The following TMCO1 variants were observed in gnomAD, a reference collection of about 807,000 sequenced individuals.
TMCO1 encodes transmembrane and coiled-coil domains 1.
A neutral mutation model predicts 29.3 loss-of-function variants in TMCO1; 29 were observed. That is an observed-to-expected ratio of 0.99 (90% confidence interval 0.74 to 1.35). TMCO1 has a LOEUF of 1.35. Among genes scored for constraint, TMCO1 ranks in the 40% most tolerant of loss-of-function variants. The pLI is 0.00. For missense variants in TMCO1, 173 were observed against 225.5 expected, an observed-to-expected ratio of 0.77 and a Z score of 1.49; for synonymous variants, 80 against 77.1, an observed-to-expected ratio of 1.04 and a Z score of -0.20.
chr1:165,726,192 G>A (rs1460349160), downstream of TMCO1: 4 of 698,424 alleles, frequency 5.7e-6, no homozygotes, highest in African/African-American at 7.0e-5. Flanking sequence ...TTTGCTTAGA[G>A]TGGTCAATGA....
intron 5 of TMCO1, among the ~76,000 whole-genome samples, chr1:165,747,216 G>A (rs768719193): frequency 5.8e-5 from 8 of 138,962 alleles, no homozygotes; most frequent in African/African-American, 8.2e-5. Context: ...AGCCAAGATC[G>A]TGCCACTGCA....
chr1:165,724,375 A>G (rs545615339), downstream of TMCO1: 2 of 454,098 alleles, frequency 4.4e-6, no homozygotes, highest in Admixed American at 4.7e-5. Flanking sequence ...GTATGAAAAA[A>G]CCAGCATGCT....
rs570642050 is a variant in TMCO1 at position 165,743,506 on chromosome 1, A to G, written c.324-195T>C. On this transcript the variant is annotated intron_variant, in intron 5 of 6. Coordinates refer to ENST00000367881, the MANE Select transcript of TMCO1 (RefSeq NM_019026.6). The stretch of plus-strand genomic sequence containing the variant: ...AGAAGAGCCTAGATTATTCTCATCA[A>G]TCTTTTCCTAAATTAGTCATTCTCA... 1.1e-4 allele frequency among the ~76,000 whole-genome samples: 17 copies of G among 152,278 alleles called. No individual in the cohort carries two copies. In the East Asian group the frequency reaches 3.1e-3, roughly 28 times the overall value.
At chr1:165,740,487 G>A (rs1307253165) in intron 6 of TMCO1, among the ~76,000 whole-genome samples, 1 of 152,084 alleles carries the variant, frequency 6.6e-6, no homozygotes, top group African/African-American at 2.4e-5. Context: ...TTACAGGCGT[G>A]AGCCACCGCG....
intron 6 of TMCO1, among the ~76,000 whole-genome samples, chr1:165,731,719 G>A (rs1651166359): frequency 6.6e-6 from 1 of 152,164 alleles, no homozygotes; most frequent in Non-Finnish European, 1.5e-5. Context: ...CTCTAGACGG[G>A]AATATCTCAA....
chr1:165,745,142 T>C (rs1651745715), intron 5 of TMCO1, among the ~76,000 whole-genome samples: 1 of 150,454 alleles, frequency 6.6e-6, no homozygotes, highest in Non-Finnish European at 1.5e-5. Context: ...TGCCTCAGCC[T>C]CCCAGGAAGG....
At chr1:165,763,852 C>T (rs1378840259) in intron 2 of TMCO1, among the ~76,000 whole-genome samples, 1 of 152,196 alleles carries the variant, frequency 6.6e-6, no homozygotes, top group Admixed American at 6.5e-5. Context: ...GTCTTGAACT[C>T]CTGAGCTCAA....
In TMCO1 at chr1:165,726,970, T is replaced by C. The variant is rs1225313643; in HGVS notation, c.*1053A>G. 7 of 453,984 alleles carry C rather than the reference T, an allele frequency of 1.5e-5. No individual in the cohort carries two copies. The highest frequency in any genetic ancestry group is 8.0e-5 in the African/African-American group (4 of 50,018). The allele number at this position is 453,984 out of a possible 1,614,324, so 28.1% of individuals were successfully genotyped here. A position where few individuals can be genotyped will look rare whatever the true frequency, so the allele number is the denominator to read the frequency against. ...AACAATGATTACCTTGAAAATTATG[T>C]GTTTTTTCTCACTGGTAGAATACTC... On this transcript the variant is annotated 3_prime_UTR_variant, in exon 7 of 7. Coordinates refer to ENST00000367881, the MANE Select transcript of TMCO1 (RefSeq NM_019026.6).
intron 4 of TMCO1, among the ~76,000 whole-genome samples, chr1:165,753,422 G>A (rs1031779109): frequency 2.1e-5 from 3 of 140,346 alleles, no homozygotes; most frequent in African/African-American, 7.9e-5. Context: ...GCAGTCAGTC[G>A]AGGTAGAGCC....
chr1:165,732,499 C>A (rs1442673609), intron 6 of TMCO1, among the ~76,000 whole-genome samples: 153 of 141,246 alleles, frequency 1.1e-3, no homozygotes, highest in Middle Eastern at 7.3e-3. Context: ...CTCTCTCTCT[C>A]TCTCTCTATA....
rs1040164964 is a variant in TMCO1, at chr1:165,729,807, G to T, written c.469-1686C>A. Among the ~76,000 whole-genome samples the T allele has an allele frequency of 2.0e-5, 3 of 152,216 alleles. No individual in the cohort carries two copies. In the South Asian group the frequency reaches 6.2e-4, roughly 32 times the overall value. ...TTGTGTTTCGACCCTTAATCTAATGGATTCTCTTACACAGTAGTTTCTGTG... is the reference window on the plus strand; with the variant it reads ...TTGTGTTTCGACCCTTAATCTAATGTATTCTCTTACACAGTAGTTTCTGTG... On this transcript the variant is annotated intron_variant, in intron 6 of 6. Transcript: ENST00000367881.
At chr1:165,732,157 T>G (rs1571209812) in intron 6 of TMCO1, among the ~76,000 whole-genome samples, 1 of 152,072 alleles carries the variant, frequency 6.6e-6, no homozygotes, top group South Asian at 2.1e-4. Flanking sequence ...GTCACTAATA[T>G]CTCTACAGTA....
At chr1:165,735,985 C>T (rs1032889179) in intron 6 of TMCO1, among the ~76,000 whole-genome samples, 1 of 152,198 alleles carries the variant, frequency 6.6e-6, no homozygotes, top group African/African-American at 2.4e-5. Flanking sequence ...TGAATCCAAA[C>T]TACCAAGGTG....
chr1:165,748,381 G>C (rs1651880038), intron 5 of TMCO1, among the ~76,000 whole-genome samples: 1 of 152,152 alleles, frequency 6.6e-6, no homozygotes, highest in Non-Finnish European at 1.5e-5. Context: ...GAGAAAAAAG[G>C]AAATAATCAT....
At chr1:165,732,642 T>C (rs989797313) in intron 6 of TMCO1, among the ~76,000 whole-genome samples, 23 of 152,070 alleles carry the variant, frequency 1.5e-4, no homozygotes, top group African/African-American at 5.3e-4. Flanking sequence ...TGTAGATTAA[T>C]CAATTGTAAC....
In TMCO1 at chr1:165,728,024, C is replaced by A. The variant is rs1168267361; in HGVS notation, c.566G>T (p.Ter189LeuextTer12). ...ATAGAAAATAAAGAGTTCTTGAGTT[C>A]AAGAGAACTTCCCAGAAGGAGGTGG... is the stretch of plus-strand genomic sequence containing the variant. ...GPPPPSGKFS* is the reference protein window; with the variant it reads ...GPPPPSGKFSL The change falls in exon 7 of 7, where the codon TGA becomes TTA. Residue 189 changes from the stop codon to leucine (L), a stop_lost. Transcript: ENST00000367881. 5 of 1,604,112 alleles carry A rather than the reference C, an allele frequency of 3.1e-6. No individual in the cohort carries two copies. The highest frequency in any genetic ancestry group is 4.3e-6 in the Non-Finnish European group (5 of 1,173,382).
chr1:165,752,501 C>G (rs111619980), intron 4 of TMCO1, among the ~76,000 whole-genome samples: 3 of 151,770 alleles, frequency 2.0e-5, no homozygotes, highest in Non-Finnish European at 2.9e-5. Context: ...GTGACCCCCC[C>G]GCCTCGGCCT....
chr1:165,739,678 T>C (rs1651517619), intron 6 of TMCO1, among the ~76,000 whole-genome samples: 1 of 151,600 alleles, frequency 6.6e-6, no homozygotes. Context: ...TGTGAGCCAC[T>C]GTGCCTGGCT....
rs537112347 is a variant in TMCO1, at chr1:165,740,894, C to A, written c.468+2273G>T. Among the ~76,000 whole-genome samples, 24 of 152,298 alleles carry A rather than the reference C, an allele frequency of 1.6e-4. No individual in the cohort carries two copies. In the South Asian group the frequency reaches 5.0e-3, roughly 32 times the overall value. On this transcript the variant is annotated intron_variant, in intron 6 of 6. Coordinates refer to ENST00000367881, the MANE Select transcript of TMCO1 (RefSeq NM_019026.6). The stretch of plus-strand genomic sequence containing the variant: ...GTAGATGCCAGCACCATGCTCTTGG[C>A]CTTCCTGCAGAACTGTGAGCTAAAT...
Sources: gnomAD v4.1 joint callset for allele counts (sites outside exome capture counted in the v4.1 genomes callset) on GRCh38, gnomAD v4.1.1 for gene constraint, MANE v1.5 for transcripts, NCBI Gene and HGNC (gene_info 2026-07-23, HGNC 2026-07-21) for gene names.